PIN4: variants seen among roughly 807,000 people sequenced by gnomAD.
PIN4 encodes the protein peptidylprolyl cis/trans isomerase, NIMA-interacting 4.
A neutral mutation model predicts 8.3 loss-of-function variants in PIN4; 3 were observed. The ratio of observed to expected loss-of-function variants is 0.36; its 90% CI spans 0.16 to 0.93. PIN4 has a LOEUF of 0.93. Ranked by LOEUF, PIN4 falls within the 40% of genes least tolerant of loss-of-function variation. The pLI is 0.44. For missense variants in PIN4, 75 were observed against 100.6 expected (o/e 0.75, Z 1.09); for synonymous variants, 18 against 32.5 (o/e 0.55, Z 1.52).
intron 3 of PIN4, among the ~76,000 whole-genome samples, chrX:72,224,715 A>G (rs750390333): frequency 9.0e-6 from 1 of 111,648 alleles, no homozygotes; most frequent in Non-Finnish European, 1.9e-5. Context: ...ATTGTACTCC[A>G]GCCTGGGCAA....
intron 3 of PIN4, among the ~76,000 whole-genome samples, chrX:72,219,084 C>T (rs943327616): frequency 4.5e-5 from 5 of 111,463 alleles, no homozygotes; most frequent in Non-Finnish European, 9.4e-5. Context: ...AGTGAAACCC[C>T]GTCCCTACTA....
chrX:72,232,035 C>T (rs914513950), intron 3 of PIN4, among the ~76,000 whole-genome samples: 2 of 108,765 alleles, frequency 1.8e-5, no homozygotes, highest in African/African-American at 3.4e-5. Flanking sequence ...ACTATGATGG[C>T]GCCACTGCAC....
At chrX:72,221,337 C>T (rs757138998) in intron 3 of PIN4, among the ~76,000 whole-genome samples, 3 of 112,069 alleles carry the variant, frequency 2.7e-5, no homozygotes, top group African/African-American at 3.2e-5. Flanking sequence ...TCTGCCATCC[C>T]GGTCCTCAGA....
In PIN4 at chrX:72,197,875, C is replaced by T; in HGVS notation, c.*349C>T. ...CAGGGGAAGCAGATATCAACTCACA[C>T]TATTCACACAACTGAAAATATTGGG... On this transcript the variant is annotated 3_prime_UTR_variant, in exon 4 of 4. Coordinates refer to ENST00000373669, the MANE Select transcript of PIN4 (RefSeq NM_006223.4). 1.3e-6 allele frequency: 1 copy of T among 766,596 alleles called. No homozygotes were observed. Among genetic ancestry groups the T allele is most frequent in the Non-Finnish European group, 1.6e-6 (1 of 644,357 alleles). The allele number at this position is 766,596 out of a possible 1,213,427, so 63.2% of individuals were successfully genotyped here. A position where few individuals can be genotyped will look rare whatever the true frequency, so the allele number is the denominator to read the frequency against.
At chrX:72,217,095 C>T (rs1483403478) in intron 3 of PIN4, among the ~76,000 whole-genome samples, 1 of 111,944 alleles carries the variant, frequency 8.9e-6, no homozygotes, top group Non-Finnish European at 1.9e-5. Flanking sequence ...GAGTGATTAG[C>T]CAGCAGGTTC....
At chrX:72,187,266 GA>G (rs2147567647) in intron 2 of PIN4, among the ~76,000 whole-genome samples, 1 of 112,278 alleles carries the variant, frequency 8.9e-6, no homozygotes, top group South Asian at 3.7e-4. Flanking sequence ...GGGGGCAGGA[GA>G]AAATCAGCAA....
intron 3 of PIN4, among the ~76,000 whole-genome samples, chrX:72,251,806 C>A (rs1189575963): frequency 9.0e-6 from 1 of 110,698 alleles, no homozygotes; most frequent in Admixed American, 9.7e-5. Context: ...GTAATCTCAG[C>A]ACTTTGGGAG....
At chrX:72,246,607 C>T (rs775616956) in intron 3 of PIN4, among the ~76,000 whole-genome samples, 1 of 111,887 alleles carries the variant, frequency 8.9e-6, no homozygotes, top group South Asian at 3.8e-4. Context: ...TACTTCTTCA[C>T]AACCCCTACA....
chrX:72,213,422 C>G (rs773764287), intron 3 of PIN4, among the ~76,000 whole-genome samples: 11 of 111,714 alleles, frequency 9.8e-5, no homozygotes, highest in Non-Finnish European at 2.1e-4. Context: ...CCGGGAGGGG[C>G]AACCTCGTCT....
chrX:72,198,308 A>G lies in PIN4; in HGVS notation c.*782A>G. On this transcript the variant is annotated 3_prime_UTR_variant, in exon 4 of 4. Transcript: ENST00000373669. ...TATAAAGATTACTAATATAAATACT[A>G]TACTGCTTCAAAAATAAAACTTTGC... 1.4e-6 allele frequency: 1 copy of G among 718,777 alleles called. No homozygotes were observed. Among genetic ancestry groups the G allele is most frequent in the Non-Finnish European group, 1.6e-6 (1 of 606,449 alleles). 59.2% of individuals were successfully genotyped at this position (718,777 alleles called of 1,213,427 possible). A position where few individuals can be genotyped will look rare whatever the true frequency, so the allele number is the denominator to read the frequency against.
intron 3 of PIN4, among the ~76,000 whole-genome samples, chrX:72,222,754 C>T (rs1014331719): frequency 1.8e-5 from 2 of 109,151 alleles, no homozygotes; most frequent in African/African-American, 3.3e-5. Context: ...CGTGTCACCA[C>T]GCCCAGCTAA....
At chrX:72,246,204 G>A (rs1226345160) in intron 3 of PIN4, among the ~76,000 whole-genome samples, 1 of 112,009 alleles carries the variant, frequency 8.9e-6, no homozygotes, top group Non-Finnish European at 1.9e-5. Context: ...GTCAGAAACC[G>A]GGAAGTGTCT....
At chrX:72,258,962 A>T (rs2043125466) in intron 3 of PIN4, among the ~76,000 whole-genome samples, 1 of 110,968 alleles carries the variant, frequency 9.0e-6, no homozygotes, top group African/African-American at 3.3e-5. Context: ...AATAAAAAAA[A>T]TTTTTTTACA....
intron 3 of PIN4, among the ~76,000 whole-genome samples, chrX:72,229,830 A>G (rs1380911710): frequency 8.9e-6 from 1 of 111,763 alleles, no homozygotes; most frequent in East Asian, 2.8e-4. Context: ...CACTTCCATA[A>G]CATACTTTAA....
At chrX:72,213,309 C>T (rs2042867123) in intron 3 of PIN4, among the ~76,000 whole-genome samples, 1 of 111,819 alleles carries the variant, frequency 8.9e-6, no homozygotes, top group South Asian at 3.8e-4. Context: ...CACTGAAATA[C>T]AAATTAGGCT....
Position 72,190,939 on chromosome X carries a change from C to T in PIN4, c.117+4405C>T, listed in dbSNP as rs1209780981. Among the ~76,000 whole-genome samples the T allele has an allele frequency of 8.8e-4, 86 of 97,694 alleles. 1 individual carries two copies. Among genetic ancestry groups the T allele is most frequent in the African/African-American group, 1.6e-3 (42 of 25,769 alleles). The allele number at this position is 97,694 out of a possible 115,157, so 84.8% of individuals were successfully genotyped here. Reference sequence around the variant, plus strand: ...CTGCACTCCAGCCTGGGCAACAGAGCGAGACTCCATCTCAAAAAAAAAAAA... The same window carrying T: ...CTGCACTCCAGCCTGGGCAACAGAGTGAGACTCCATCTCAAAAAAAAAAAA... On this transcript the variant is annotated intron_variant, in intron 2 of 3. Coordinates refer to ENST00000373669, the MANE Select transcript of PIN4 (RefSeq NM_006223.4).
At chrX:72,202,637 TCA>T (rs776028149), downstream of PIN4, among the ~76,000 whole-genome samples, 2 of 111,697 alleles carry the variant, frequency 1.8e-5, no homozygotes, top group East Asian at 5.6e-4. Context: ...GTGAATTGCT[TCA>T]CAGTTAGTTA....
chrX:72,184,582 G>A lies in PIN4; in HGVS notation c.44-1879G>A, dbSNP rs200029529. Among the ~76,000 whole-genome samples the A allele has an allele frequency of 4.5e-5, 5 of 111,448 alleles. No homozygotes were observed. The East Asian group carries it at 1.4e-3, about 32-fold the overall frequency. The stretch of plus-strand genomic sequence containing the variant: ...TCGTCAGGAAATCAAAGGCAGTGAG[G>A]TGGCAGTCAGAAGATGACAGCATCC... On this transcript the variant is annotated intron_variant, in intron 1 of 3. Coordinates refer to ENST00000373669, the MANE Select transcript of PIN4 (RefSeq NM_006223.4).
intron 3 of PIN4, among the ~76,000 whole-genome samples, chrX:72,234,691 T>G (rs2043006246): frequency 1.8e-5 from 2 of 111,164 alleles, no homozygotes; most frequent in African/African-American, 6.5e-5. Flanking sequence ...GTGCCTTAGC[T>G]AGAAGCATGG....
Sources: allele counts gnomAD v4.1 joint callset (sites outside exome capture counted in the v4.1 genomes callset), GRCh38; gene constraint gnomAD v4.1.1; transcripts MANE v1.5; gene names NCBI Gene and HGNC (gene_info 2026-07-23, HGNC 2026-07-21).